The following YTHDC2 variants were observed in gnomAD, a reference collection of about 807,000 sequenced individuals.
The protein encoded by YTHDC2 is 3'-5' RNA helicase YTHDC2.
A neutral mutation model predicts 174.9 loss-of-function variants in YTHDC2; 45 were observed. That is an observed-to-expected ratio of 0.26 (90% CI 0.20 to 0.33). The LOEUF (loss-of-function observed/expected upper bound fraction) is 0.33. Among genes scored for constraint, YTHDC2 ranks in the 10% least tolerant of loss-of-function variants. YTHDC2 has a pLI of 1.00. For synonymous variants in YTHDC2, 657 were observed against 574.5 expected (o/e 1.14, Z -2.05); for missense variants, 1,650 against 1,723.7 (o/e 0.96, Z 0.76).
intron 18 of YTHDC2, among the ~76,000 whole-genome samples, chr5:113,562,526 G>GTA (rs1328929260): frequency 6.6e-6 from 1 of 150,998 alleles, no homozygotes; most frequent in African/African-American, 2.4e-5. Context: ...TAACAAGAGC[G>GTA]TAAATTGCCT....
At chr5:113,589,930 GTCT>G (rs1438955719) in intron 26 of YTHDC2, among the ~76,000 whole-genome samples, 1 of 151,140 alleles carries the variant, frequency 6.6e-6, no homozygotes, top group Non-Finnish European at 1.5e-5. Flanking sequence ...TTTCTGTTTT[GTCT>G]TCTTGTTATC....
chr5:113,538,674 TCTTGTA>T (rs144436449), intron 7 of YTHDC2, among the ~76,000 whole-genome samples: 1,931 of 152,278 alleles, frequency 0.013, 17 homozygotes, highest in Non-Finnish European at 0.019. Context: ...TGTCATGGTG[TCTTGTA>T]CTTGTATCTC....
chr5:113,518,851 A>G (rs1369881982), intron 2 of YTHDC2, among the ~76,000 whole-genome samples: 1 of 151,526 alleles, frequency 6.6e-6, no homozygotes, highest in Admixed American at 6.6e-5. Context: ...TTTGTTTTTC[A>G]TCTTCTAAAT....
At chr5:113,548,392 T>A in intron 10 of YTHDC2, 149 bp from the exon 11 acceptor site, 2 of 649,790 alleles carry the variant, frequency 3.1e-6, no homozygotes, top group South Asian at 2.1e-5. Flanking sequence ...AAGTTAAGGG[T>A]TATGTAGTGC....
chr5:113,539,464 G>A (rs1775301361), intron 8 of YTHDC2, among the ~76,000 whole-genome samples: 1 of 152,132 alleles, frequency 6.6e-6, no homozygotes, highest in Admixed American at 6.6e-5. Flanking sequence ...AAGAATATAT[G>A]CTGGCTGCCC....
chr5:113,566,091 AT>A, intron 21 of YTHDC2, 72 bp downstream of exon 21: 17 of 1,387,282 alleles, frequency 1.2e-5, no homozygotes, highest in Non-Finnish European at 1.6e-5. Context: ...AGTATTTCTT[AT>A]GTTAACTGAT....
At chr5:113,520,974 T>G (rs928889493) in intron 2 of YTHDC2, among the ~76,000 whole-genome samples, 11 of 152,212 alleles carry the variant, frequency 7.2e-5, no homozygotes, top group African/African-American at 2.7e-4. Context: ...CCATGTGTTT[T>G]CATCATTTAG....
chr5:113,532,863 A>C lies in YTHDC2; in HGVS notation c.676-16A>C. The C allele has an allele frequency of 6.3e-7, 1 of 1,594,488 alleles. No homozygotes were observed. Among genetic ancestry groups the C allele is most frequent in the South Asian group, 1.1e-5 (1 of 88,278 alleles). ...GTGATCATGTCATCTTACAGTTTTT[A>C]AAACTTTTGTTTCAGATTCCTCAGT... On this transcript the variant is annotated splice_polypyrimidine_tract_variant and intron_variant, in intron 4 of 29. Coordinates refer to ENST00000161863, the MANE Select transcript of YTHDC2 (RefSeq NM_022828.5).
intron 12 of YTHDC2, among the ~76,000 whole-genome samples, chr5:113,552,639 G>A (rs574887550): frequency 1.3e-5 from 2 of 152,170 alleles, no homozygotes; most frequent in South Asian, 2.1e-4. Flanking sequence ...AGATTTTTAT[G>A]TGGATATATT....
At chr5:113,537,516 C>T (rs1165835058) in intron 7 of YTHDC2, among the ~76,000 whole-genome samples, 2 of 151,500 alleles carry the variant, frequency 1.3e-5, no homozygotes, top group Non-Finnish European at 2.9e-5. Flanking sequence ...GTGGTATTCT[C>T]TAGAATTATT....
At chr5:113,561,374 C>G (rs1399598087) in intron 18 of YTHDC2, among the ~76,000 whole-genome samples, 189 bp downstream of exon 18, 1 of 143,904 alleles carries the variant, frequency 6.9e-6, no homozygotes, top group Non-Finnish European at 1.5e-5. Flanking sequence ...CATAAACCAT[C>G]AAAATTTTAA....
At position 113,542,370 on chromosome 5, in the gene YTHDC2, T is replaced by C. The variant is rs1775546564; in HGVS notation, c.1362T>C (p.Thr454=). The part of the protein sequence containing the change: ...DGGDAVFSQL[T]EKDVNCLEPW... ...ATGATTTTTACTGTTTTTTGTAGACTGAAAAAGATGTGAATTGCCTTGAAC... is the reference window on the plus strand; with the variant it reads ...ATGATTTTTACTGTTTTTTGTAGACCGAAAAAGATGTGAATTGCCTTGAAC... Residue 454 remains threonine, a splice_region_variant and synonymous_variant, in exon 10 of 30, where the codon ACT becomes ACC. Transcript: ENST00000161863. 1 of 1,605,200 alleles carries C rather than the reference T, an allele frequency of 6.2e-7. No individual in the cohort carries two copies. The highest frequency in any genetic ancestry group is 8.5e-7 in the Non-Finnish European group (1 of 1,177,878).
chr5:113,556,113 G>A lies in YTHDC2; in HGVS notation c.2195G>A (p.Ser732Asn), dbSNP rs1332823697. Reference protein sequence around the residue: ...MLKMVWISKASAIQRKGRAGR... With the variant: ...MLKMVWISKANAIQRKGRAGR... Reference sequence around the variant, plus strand: ...AAAATGGTATGGATTTCCAAAGCTAGTGCCATACAGCGGAAAGGCAGGTAA... The same window carrying A: ...AAAATGGTATGGATTTCCAAAGCTAATGCCATACAGCGGAAAGGCAGGTAA... Residue 732 changes from serine (S) to asparagine (N), a missense_variant, in exon 17 of 30, where the codon AGT becomes AAT. By Grantham distance (46) the Ser-to-Asn change is conservative. Transcript: ENST00000161863. The A allele has an allele frequency of 6.2e-7, 1 of 1,608,358 alleles. No individual in the cohort carries two copies. Among genetic ancestry groups the A allele is most frequent in the Non-Finnish European group, 8.5e-7 (1 of 1,176,030 alleles).
intron 12 of YTHDC2, among the ~76,000 whole-genome samples, chr5:113,552,329 C>T (rs1240262691): frequency 6.6e-6 from 1 of 152,100 alleles, no homozygotes; most frequent in Non-Finnish European, 1.5e-5. Flanking sequence ...AGGTGTCTCT[C>T]CCTATTCCGC....
chr5:113,529,158 T>C (rs1034882173), intron 4 of YTHDC2, among the ~76,000 whole-genome samples: 1 of 152,232 alleles, frequency 6.6e-6, no homozygotes, highest in Non-Finnish European at 1.5e-5. Context: ...AATGACACTT[T>C]ACTGTTTGCT....
intron 23 of YTHDC2, among the ~76,000 whole-genome samples, chr5:113,570,167 G>A (rs893302100): frequency 6.6e-6 from 1 of 152,088 alleles, no homozygotes; most frequent in Non-Finnish European, 1.5e-5. Flanking sequence ...CACAATCTCA[G>A]CTCACTGTAA....
At chr5:113,555,666 T>C (rs1316315355) in intron 16 of YTHDC2, among the ~76,000 whole-genome samples, 1 of 125,326 alleles carries the variant, frequency 8.0e-6, no homozygotes, top group South Asian at 3.4e-4. Context: ...AAAATGTCTT[T>C]CCTTGATCTT....
At chr5:113,547,386 C>T (rs191387925) in intron 10 of YTHDC2, among the ~76,000 whole-genome samples, 4 of 152,212 alleles carry the variant, frequency 2.6e-5, no homozygotes, top group Non-Finnish European at 4.4e-5. Flanking sequence ...AACAACAAAC[C>T]CACCTCAAAA....
chr5:113,551,537 T>C (rs1776251195), intron 12 of YTHDC2, among the ~76,000 whole-genome samples: 1 of 152,016 alleles, frequency 6.6e-6, no homozygotes, highest in Non-Finnish European at 1.5e-5. Flanking sequence ...TTAAAGTAGA[T>C]CTTAAAATTT....
Sources: allele counts gnomAD v4.1 joint callset (sites outside exome capture counted in the v4.1 genomes callset), GRCh38; gene constraint gnomAD v4.1.1; transcripts MANE v1.5; gene names NCBI Gene and HGNC (gene_info 2026-07-23, HGNC 2026-07-21).